The following HGF variants were observed in gnomAD, a reference collection of about 807,000 sequenced individuals.
The protein encoded by HGF is fibroblast-derived tumor cytotoxic factor.
Under a neutral mutation model 111.6 loss-of-function variants are expected in HGF, and 39 were observed. The observed-to-expected ratio is 0.35, with a 90% CI of 0.27 to 0.46. The LOEUF is 0.46. Among genes scored for constraint, HGF ranks in the 20% least tolerant of loss-of-function variants. The probability of loss-of-function intolerance (pLI) is 1.00; values close to 1 mark genes in which losing one functional copy is unlikely to be tolerated. For synonymous variants in HGF, 285 were observed against 294.8 expected (o/e 0.97, Z 0.34); for missense variants, 735 against 910.5 (o/e 0.81, Z 2.48).
chr7:81,699,484 G>A lies in HGF; in HGVS notation c.*3097C>T, dbSNP rs1407476808. 1 of 151,568 alleles carries A rather than the reference G, an allele frequency of 6.6e-6. No homozygotes were observed. The highest frequency in any genetic ancestry group is 1.5e-5 in the Non-Finnish European group (1 of 67,688). 9.4% of individuals were successfully genotyped at this position (151,568 alleles called of 1,614,324 possible). On this transcript the variant is annotated 3_prime_UTR_variant, in exon 18 of 18. Coordinates refer to ENST00000222390, the MANE Select transcript of HGF (RefSeq NM_000601.6). ...ATTTTTTAAATGAGTTTGCCTATATGTATGGGATGTAATTAATTATAATAG... is the reference window on the plus strand; with the variant it reads ...ATTTTTTAAATGAGTTTGCCTATATATATGGGATGTAATTAATTATAATAG...
chr7:81,711,113 A>T (rs2115804175), intron 12 of HGF, among the ~76,000 whole-genome samples: 1 of 152,262 alleles, frequency 6.6e-6, no homozygotes, highest in Non-Finnish European at 1.5e-5. Flanking sequence ...TAACTTTCCA[A>T]CTTTCAGGTT....
chr7:81,734,794 A>C (rs1275651787), intron 7 of HGF, among the ~76,000 whole-genome samples: 1 of 152,126 alleles, frequency 6.6e-6, no homozygotes, highest in African/African-American at 2.4e-5. Flanking sequence ...ATGAATGATA[A>C]GTAAATGCTT....
intron 2 of HGF, among the ~76,000 whole-genome samples, 179 bp downstream of exon 2, chr7:81,762,528 A>C (rs868546261): frequency 1.3e-5 from 2 of 152,312 alleles, no homozygotes; most frequent in Admixed American, 6.5e-5. Context: ...GCTCTCCCTT[A>C]CTCAAGCTAT....
chr7:81,730,674 G>T (rs1345284396), intron 7 of HGF, among the ~76,000 whole-genome samples: 10 of 151,842 alleles, frequency 6.6e-5, no homozygotes, highest in Non-Finnish European at 8.8e-5. Context: ...ACCACAATTT[G>T]GTCTCTCTCT....
intron 10 of HGF, among the ~76,000 whole-genome samples, chr7:81,718,209 T>G (rs1789763156): frequency 6.6e-6 from 1 of 152,322 alleles, no homozygotes; most frequent in South Asian, 2.1e-4. Flanking sequence ...ACATGGAAAC[T>G]TGGACTATAT....
chr7:81,712,284 AT>A (rs1305157849), intron 11 of HGF, among the ~76,000 whole-genome samples: 2 of 152,046 alleles, frequency 1.3e-5, no homozygotes, highest in East Asian at 1.9e-4. Flanking sequence ...GAATCATTTA[AT>A]TTTTTTTCTG....
chr7:81,741,938 CAAAA>C lies in HGF; in HGVS notation c.865+1411_865+1414del, dbSNP rs71520767. ...GGACAACAAGAGTGAAACTCCATCT[CAAAA>C]AAAAAAAAAAAAAAAAAAAGAGTAC... On this transcript the variant is annotated intron_variant, in intron 7 of 17. Transcript: ENST00000222390. 8.6e-5 allele frequency among the ~76,000 whole-genome samples: 4 copies of C among 46,336 alleles called. No individual in the cohort carries two copies. The South Asian group carries it at 4.3e-3, about 50-fold the overall frequency. The allele number at this position is 46,336 out of a possible 152,430, so 30.4% of individuals were successfully genotyped here.
chr7:81,718,566 A>C (rs1789774304), intron 10 of HGF, among the ~76,000 whole-genome samples: 1 of 152,178 alleles, frequency 6.6e-6, no homozygotes. Flanking sequence ...TTTCCTACAA[A>C]TTGTTTCCAA....
At chr7:81,745,925 C>A (rs1248812554) in intron 5 of HGF, among the ~76,000 whole-genome samples, 1 of 152,206 alleles carries the variant, frequency 6.6e-6, no homozygotes, top group Non-Finnish European at 1.5e-5. Context: ...TGAGACTTCT[C>A]AAACAGACAG....
intron 10 of HGF, among the ~76,000 whole-genome samples, chr7:81,717,831 AAATGAAT>A (rs1185996994): frequency 6.6e-6 from 1 of 152,184 alleles, no homozygotes; most frequent in African/African-American, 2.4e-5. Context: ...AGATATACTG[AAATGAAT>A]AATGTGTTAA....
At chr7:81,763,854 C>G (rs1789222917) in intron 1 of HGF, among the ~76,000 whole-genome samples, 2 of 152,032 alleles carry the variant, frequency 1.3e-5, no homozygotes, top group Admixed American at 6.6e-5. Context: ...CATTTTTCAG[C>G]CAAAGAAACC....
rs185526560 is a variant in HGF, at chr7:81,711,456, C to T, written c.1444+25G>A. 7.3e-5 allele frequency: 99 copies of T among 1,364,146 alleles called. No homozygotes were observed. In the East Asian group the frequency reaches 2.1e-3, roughly 29 times the overall value. The allele number at this position is 1,364,146 out of a possible 1,614,324, so 84.5% of individuals were successfully genotyped here. On this transcript the variant is annotated intron_variant, in intron 12 of 17. Coordinates refer to ENST00000222390, the MANE Select transcript of HGF (RefSeq NM_000601.6). ...CACACAGAGAGAGACTCAGAATATA[C>T]TTTATATTGTGAAATATTACTTACG...
intron 12 of HGF, among the ~76,000 whole-genome samples, chr7:81,710,459 A>G (rs967157274): frequency 2.0e-5 from 3 of 152,168 alleles, no homozygotes; most frequent in Non-Finnish European, 4.4e-5. Context: ...AACTCAGAAA[A>G]ACAAATAAAC....
At chr7:81,704,757 C>T (rs914777197) in intron 17 of HGF, among the ~76,000 whole-genome samples, 4 of 151,780 alleles carry the variant, frequency 2.6e-5, no homozygotes, top group Non-Finnish European at 5.9e-5. Flanking sequence ...GAGAACATGT[C>T]TCTCACATTC....
Position 81,729,611 on chromosome 7 carries a change from T to C in HGF, c.1034A>G (p.Lys345Arg). ...HEHDMTPENF[K>R]CKDLRENYCR... ...ATTTGCCTACTTTACTCACTTGCAC[T>C]TGAAATTTTCAGGAGTCATGTCATG... Residue 345 changes from lysine to arginine, a missense_variant, in exon 8 of 18, where the codon AAG (lysine) becomes AGG (arginine). By Grantham distance (26) the Lys-to-Arg change is conservative. Transcript: ENST00000222390. The C allele has an allele frequency of 6.2e-7, 1 of 1,612,848 alleles. No homozygotes were observed. The highest frequency in any genetic ancestry group is 2.2e-5 in the East Asian group (1 of 44,852).
At chr7:81,751,248 A>G in intron 5 of HGF, 1 of 982,030 alleles carries the variant, frequency 1.0e-6, no homozygotes, top group South Asian at 4.7e-5. Flanking sequence ...CAAATACTCC[A>G]AAATCCTAAC....
chr7:81,757,344 A>T (rs2116184866), intron 3 of HGF, 41 bp from the exon 4 acceptor site: 2 of 1,030,826 alleles, frequency 1.9e-6, no homozygotes, highest in Non-Finnish European at 3.1e-6. Context: ...ACTATGCAAA[A>T]CATATGCAGT....
chr7:81,764,957 G>A (rs1403492959), intron 1 of HGF, among the ~76,000 whole-genome samples: 2 of 151,710 alleles, frequency 1.3e-5, no homozygotes, highest in East Asian at 1.9e-4. Context: ...ATAAATGATA[G>A]TTAATTGATG....
At chr7:81,744,135 A>G (rs1014897751) in intron 6 of HGF, among the ~76,000 whole-genome samples, 4 of 152,208 alleles carry the variant, frequency 2.6e-5, no homozygotes, top group African/African-American at 9.6e-5. Context: ...AATAGAGAAA[A>G]AGAACAAAGA....
Sources: gnomAD v4.1 joint callset for allele counts (sites outside exome capture counted in the v4.1 genomes callset) on GRCh38, gnomAD v4.1.1 for gene constraint, MANE v1.5 for transcripts, NCBI Gene and HGNC (gene_info 2026-07-23, HGNC 2026-07-21) for gene names.